Variants in MRPL42 observed in about 807,000 individuals in gnomAD.
MRPL42 encodes the protein mitochondrial ribosomal protein L42, also known as large ribosomal subunit protein mL42.
Under a neutral mutation model 17.9 loss-of-function variants are expected in MRPL42, and 17 were observed. The observed-to-expected ratio is 0.95, with a 90% CI of 0.65 to 1.42. MRPL42 has a LOEUF of 1.42. Among genes scored for constraint, MRPL42 ranks in the 40% most tolerant of loss-of-function variants. The probability of loss-of-function intolerance (pLI) is 0.00; values close to 1 mark genes in which losing one functional copy is unlikely to be tolerated. For synonymous variants in MRPL42, 59 were observed against 54.4 expected (o/e 1.08, Z -0.37); for missense variants, 177 against 175.2 (o/e 1.01, Z -0.06).
At chr12:93,484,927 T>G (rs368595231) in intron 4 of MRPL42, among the ~76,000 whole-genome samples, 5 of 142,904 alleles carry the variant, frequency 3.5e-5, no homozygotes, top group South Asian at 2.4e-4. Context: ...CCCATGACTT[T>G]ACTTAATTGT....
In MRPL42 at chr12:93,513,731, CATA is replaced by C. The variant is rs1038948018; in HGVS notation, c.*12513_*12515del. ...TGAAATTTAATTTTATATCCATTAACATAATTAAAAATTGGGGCTTTTAAAAAA... is the reference window on the plus strand; with the variant it reads ...TGAAATTTAATTTTATATCCATTAACATTAAAAATTGGGGCTTTTAAAAAA... On this transcript the variant is annotated 3_prime_UTR_variant, in exon 6 of 6. Coordinates refer to ENST00000549982, the MANE Select transcript of MRPL42 (RefSeq NM_014050.4). 3.3e-5 allele frequency: 5 copies of C among 152,114 alleles called. No individual in the cohort carries two copies. The highest frequency in any genetic ancestry group is 2.0e-4 in the Admixed American group (3 of 15,274). 9.4% of individuals were successfully genotyped at this position (152,114 alleles called of 1,614,324 possible).
intron 5 of MRPL42, among the ~76,000 whole-genome samples, chr12:93,497,347 C>T (rs1953524387): frequency 6.6e-6 from 1 of 152,118 alleles, no homozygotes; most frequent in African/African-American, 2.4e-5. Context: ...TACGAGCAAA[C>T]CAAATCTAGC....
At chr12:93,471,542 C>A (rs1879911066) in intron 2 of MRPL42, among the ~76,000 whole-genome samples, 1 of 152,010 alleles carries the variant, frequency 6.6e-6, no homozygotes, top group Non-Finnish European at 1.5e-5. Flanking sequence ...CTCAAGTGAT[C>A]TGCCCACCTC....
At position 93,497,173 on chromosome 12, in the gene MRPL42, C is replaced by G. The variant is rs115126373; in HGVS notation, c.384-4003C>G. On this transcript the variant is annotated intron_variant, in intron 5 of 5. Coordinates refer to ENST00000549982, the MANE Select transcript of MRPL42 (RefSeq NM_014050.4). ...CAGTACCAATCCTACTGATACTATT[C>G]CCCCAACAACAACAACAAAAAATCG... Among the ~76,000 whole-genome samples the G allele has an allele frequency of 3.7e-3, 564 of 152,172 alleles. 5 individuals are homozygous for G. Among genetic ancestry groups the G allele is most frequent in the African/African-American group, 0.012 (503 of 41,534 alleles).
At chr12:93,467,967 C>G (rs1204267965) in intron 1 of MRPL42, among the ~76,000 whole-genome samples, 2 of 152,292 alleles carry the variant, frequency 1.3e-5, no homozygotes, top group East Asian at 3.9e-4. Flanking sequence ...GTGCTTTTCT[C>G]TGGGCTTCGG....
chr12:93,470,699 A>C (rs1356021959), intron 2 of MRPL42: 1 of 376,476 alleles, frequency 2.7e-6, no homozygotes, highest in Non-Finnish European at 4.1e-6. Context: ...CCTACTTGTA[A>C]GTTAGAACAT....
chr12:93,485,857 G>A (rs941729553), intron 4 of MRPL42, among the ~76,000 whole-genome samples: 2 of 152,054 alleles, frequency 1.3e-5, no homozygotes, highest in African/African-American at 4.8e-5. Flanking sequence ...GCTCAGGCAG[G>A]AGGGTACTGT....
intron 3 of MRPL42, 54 bp from the exon 4 acceptor site, chr12:93,479,334 T>G: frequency 9.2e-7 from 1 of 1,087,702 alleles, no homozygotes; most frequent in Non-Finnish European, 1.3e-6. Context: ...AAAAAGGTAA[T>G]CATTTTGCCT....
chr12:93,469,066 G>C (rs1343177001), intron 1 of MRPL42, 126 bp from the exon 2 acceptor site: 3 of 472,722 alleles, frequency 6.3e-6, no homozygotes, highest in Non-Finnish European at 7.4e-6. Context: ...ATGTGGAATT[G>C]CCAAGTTGTT....
chr12:93,474,855 C>T (rs1880084486), intron 2 of MRPL42, among the ~76,000 whole-genome samples: 1 of 109,982 alleles, frequency 9.1e-6, no homozygotes, highest in African/African-American at 3.3e-5. Flanking sequence ...CTTTGGGAGG[C>T]CAAGGCGGGC....
intron 2 of MRPL42, among the ~76,000 whole-genome samples, chr12:93,473,215 C>G (rs888522801): frequency 6.6e-6 from 1 of 152,052 alleles, no homozygotes; most frequent in Non-Finnish European, 1.5e-5. Flanking sequence ...TCTGCTACTT[C>G]TATATCCAGA....
Position 93,511,421 on chromosome 12 carries a change from A to T in MRPL42, c.*10200A>T, listed in dbSNP as rs1953724359. On this transcript the variant is annotated 3_prime_UTR_variant, in exon 6 of 6. Transcript: ENST00000549982. ...GCTAAAACTAAAAAATGCAATTAAG[A>T]CAATAATCTTATATATAGACAATAA... 1 of 152,230 alleles carries T rather than the reference A, an allele frequency of 6.6e-6. No homozygotes were observed. Among genetic ancestry groups the T allele is most frequent in the Non-Finnish European group, 1.5e-5 (1 of 68,028 alleles). The allele number at this position is 152,230 out of a possible 1,614,324, so 9.4% of individuals were successfully genotyped here. A position where few individuals can be genotyped will look rare whatever the true frequency, so the allele number is the denominator to read the frequency against.
chr12:93,496,482 G>T (rs572165220), intron 5 of MRPL42, among the ~76,000 whole-genome samples: 1 of 152,008 alleles, frequency 6.6e-6, no homozygotes, highest in South Asian at 2.1e-4. Context: ...TGCTAAGAGG[G>T]ACAGTAGATA....
chr12:93,508,485 C>T lies in MRPL42; in HGVS notation c.*7264C>T, dbSNP rs1447927299. On this transcript the variant is annotated 3_prime_UTR_variant, in exon 6 of 6. Coordinates refer to ENST00000549982, the MANE Select transcript of MRPL42 (RefSeq NM_014050.4). ...GCTTCGAGGCTTCTTGAGGCCTAGT[C>T]TCAGAACTGGCACAATATCACTTCA... is the stretch of plus-strand genomic sequence containing the variant. The T allele has an allele frequency of 1.3e-5, 2 of 152,250 alleles. No homozygotes were observed. Among genetic ancestry groups the T allele is most frequent in the African/African-American group, 2.4e-5 (1 of 41,432 alleles). The allele number at this position is 152,250 out of a possible 1,614,324, so 9.4% of individuals were successfully genotyped here. A position where few individuals can be genotyped will look rare whatever the true frequency, so the allele number is the denominator to read the frequency against.
At chr12:93,483,166 A>G (rs1453773215) in intron 4 of MRPL42, among the ~76,000 whole-genome samples, 2 of 152,180 alleles carry the variant, frequency 1.3e-5, no homozygotes, top group Non-Finnish European at 1.5e-5. Context: ...AAGTGCTGGG[A>G]TTACCAGGCA....
At chr12:93,473,156 C>T (rs1592765728) in intron 2 of MRPL42, among the ~76,000 whole-genome samples, 1 of 152,134 alleles carries the variant, frequency 6.6e-6, no homozygotes, top group Non-Finnish European at 1.5e-5. Context: ...GCACATTGAG[C>T]TTAATTGCTG....
intron 2 of MRPL42, chr12:93,470,408 G>A: frequency 8.5e-7 from 1 of 1,182,960 alleles, no homozygotes; most frequent in Non-Finnish European, 1.1e-6. Flanking sequence ...AAGTAGACAT[G>A]TATAGAAGGC....
At chr12:93,496,829 G>A (rs1174718554) in intron 5 of MRPL42, among the ~76,000 whole-genome samples, 1 of 150,482 alleles carries the variant, frequency 6.6e-6, no homozygotes, top group African/African-American at 2.4e-5. Flanking sequence ...GGGGGCGGGT[G>A]GGGACGGAGT....
At chr12:93,472,820 C>T (rs1053640299) in intron 2 of MRPL42, among the ~76,000 whole-genome samples, 4 of 152,118 alleles carry the variant, frequency 2.6e-5, no homozygotes, top group Admixed American at 6.6e-5. Context: ...GCCATTTGAT[C>T]CTTATAACAG....
Sources: allele counts gnomAD v4.1 joint callset (sites outside exome capture counted in the v4.1 genomes callset), GRCh38; gene constraint gnomAD v4.1.1; transcripts MANE v1.5; gene names NCBI Gene and HGNC (gene_info 2026-07-23, HGNC 2026-07-21).